The following CTSC variants were observed in gnomAD, a reference collection of about 807,000 sequenced individuals.
CTSC encodes cathepsin C, also known as dipeptidyl peptidase 1.
A neutral mutation model predicts 40.9 loss-of-function variants in CTSC; 37 were observed. That is an observed-to-expected ratio of 0.91 (90% confidence interval 0.70 to 1.19). CTSC has a LOEUF of 1.19. Among genes scored for constraint, CTSC ranks in the 50% most tolerant of loss-of-function variants. CTSC has a pLI of 0.00. For synonymous variants in CTSC, 232 were observed against 207.4 expected (o/e 1.12, Z -1.02); for missense variants, 594 against 567.3 (o/e 1.05, Z -0.48).
In CTSC at chr11:88,294,137, C is replaced by G. The variant is rs1944271816; in HGVS notation, c.1261G>C (p.Asp421His). 1 of 1,613,928 alleles carries G rather than the reference C, an allele frequency of 6.2e-7. No individual in the cohort carries two copies. Among genetic ancestry groups the G allele is most frequent in the Non-Finnish European group, 8.5e-7 (1 of 1,179,994 alleles). ...GYGTDSASGM[D>H]YWIVKNSWGT... Reference sequence around the variant, plus strand: ...CAGCTGTTTTTAACAATCCAGTAATCCATCCCAGAGGCTGAGTCAGTGCCA... The same window carrying G: ...CAGCTGTTTTTAACAATCCAGTAATGCATCCCAGAGGCTGAGTCAGTGCCA... Residue 421 changes from aspartate (D) to histidine (H), a missense_variant, in exon 7 of 7, where the codon GAT becomes CAT. Coordinates refer to ENST00000227266, the MANE Select transcript of CTSC (RefSeq NM_001814.6).
intron 1 of CTSC, among the ~76,000 whole-genome samples, chr11:88,335,733 A>G (rs1382572490): frequency 1.3e-5 from 2 of 152,238 alleles, no homozygotes; most frequent in Non-Finnish European, 2.9e-5. Context: ...GAAACGGAGA[A>G]AAGGCAAAAT....
intron 5 of CTSC, chr11:88,298,835 T>C (rs1458712146): frequency 6.6e-6 from 1 of 152,200 alleles, no homozygotes; most frequent in African/African-American, 2.4e-5. Context: ...AAAACCAATG[T>C]CAAATAATTT....
Position 88,296,108 on chromosome 11 carries a change from A to G in CTSC, c.889+25T>C, listed in dbSNP as rs756883570. The G allele has an allele frequency of 1.0e-4, 165 of 1,612,694 alleles. 1 individual carries two copies. The highest frequency in any genetic ancestry group is 1.3e-4 in the Non-Finnish European group (156 of 1,179,068). On this transcript the variant is annotated intron_variant, in intron 6 of 6. Transcript: ENST00000227266. ...CTGCACACAGGTAAATAGCTCATAAATGGTGTCTGAAATGCAACACTTACC... is the reference window on the plus strand; with the variant it reads ...CTGCACACAGGTAAATAGCTCATAAGTGGTGTCTGAAATGCAACACTTACC...
intron 2 of CTSC, among the ~76,000 whole-genome samples, chr11:88,313,308 T>C (rs1434962922): frequency 6.6e-6 from 1 of 152,154 alleles, no homozygotes; most frequent in African/African-American, 2.4e-5. Flanking sequence ...AGACAAGTGA[T>C]CCACCCACCT....
intron 6 of CTSC, 50 bp downstream of exon 6, chr11:88,296,083 C>T (rs1000850686): frequency 5.0e-6 from 8 of 1,605,782 alleles, no homozygotes; most frequent in Non-Finnish European, 3.4e-6. Context: ...CAACAGCCAG[C>T]TGCACACAGG....
chr11:88,337,596 G>C lies in CTSC; in HGVS notation c.77C>G (p.Thr26Arg), dbSNP rs1938539081. The C allele has an allele frequency of 1.3e-6, 2 of 1,579,246 alleles. No individual in the cohort carries two copies. The highest frequency in any genetic ancestry group is 8.6e-7 in the Non-Finnish European group (1 of 1,161,910). Residue 26 changes from threonine to arginine, a missense_variant, in exon 1 of 7, where the codon ACA becomes AGA. Physicochemically the swap from Thr to Arg is moderately conservative, Grantham distance 71. Coordinates refer to ENST00000227266, the MANE Select transcript of CTSC (RefSeq NM_001814.6). ...LSGDGAVRCD[T>R]PANCTYLDLL... Reference sequence around the variant, plus strand: ...GTCAAGATAGGTGCAGTTGGCAGGTGTGTCGCAGCGCACGGCGCCGTCGCC... The same window carrying C: ...GTCAAGATAGGTGCAGTTGGCAGGTCTGTCGCAGCGCACGGCGCCGTCGCC...
chr11:88,312,024 T>C (rs564763268), intron 3 of CTSC, among the ~76,000 whole-genome samples: 42 of 152,236 alleles, frequency 2.8e-4, no homozygotes, highest in Non-Finnish European at 4.1e-4. Context: ...TGTTTAAAAG[T>C]TGCCCAATTA....
At chr11:88,334,192 C>T (rs1269024959) in intron 2 of CTSC, among the ~76,000 whole-genome samples, 1 of 152,158 alleles carries the variant, frequency 6.6e-6, no homozygotes. Flanking sequence ...TAGTTTCAGG[C>T]TTATGTATCC....
At chr11:88,295,842 C>T (rs565747037) in intron 6 of CTSC, among the ~76,000 whole-genome samples, 1 of 152,128 alleles carries the variant, frequency 6.6e-6, no homozygotes, top group Non-Finnish European at 1.5e-5. Context: ...GTTCCCCGCC[C>T]ATAAATAGGG....
intron 4 of CTSC, 70 bp downstream of exon 4, chr11:88,309,093 G>T: frequency 7.2e-7 from 1 of 1,385,090 alleles, no homozygotes; most frequent in Non-Finnish European, 1.0e-6. Flanking sequence ...ACACTGGTAG[G>T]ACTGCTTAGG....
chr11:88,301,514 T>C (rs1001952312), intron 4 of CTSC, among the ~76,000 whole-genome samples: 1 of 152,166 alleles, frequency 6.6e-6, no homozygotes, highest in African/African-American at 2.4e-5. Context: ...ATTCTTTCCT[T>C]GCCTCATTTG....
intron 2 of CTSC, among the ~76,000 whole-genome samples, chr11:88,314,765 T>G (rs1469604956): frequency 2.0e-5 from 3 of 152,112 alleles, no homozygotes; most frequent in Non-Finnish European, 4.4e-5. Flanking sequence ...TGACCTGAGG[T>G]GATCTGCTTC....
In CTSC at chr11:88,334,924, C is replaced by T; in HGVS notation, c.318+13G>A. 1.9e-6 allele frequency: 3 copies of T among 1,597,272 alleles called. No individual in the cohort carries two copies. The South Asian group carries it at 3.3e-5, about 18-fold the overall frequency. ...TCATTGAAAATGTAAATCCAACTTCCAACAAAACTAACCTTAAAAAAGGCA... is the reference window on the plus strand; with the variant it reads ...TCATTGAAAATGTAAATCCAACTTCTAACAAAACTAACCTTAAAAAAGGCA... On this transcript the variant is annotated intron_variant, in intron 2 of 6. Transcript: ENST00000227266.
chr11:88,301,618 A>T (rs1396478721), intron 4 of CTSC, among the ~76,000 whole-genome samples: 1 of 152,172 alleles, frequency 6.6e-6, no homozygotes, highest in East Asian at 1.9e-4. Context: ...TCCGTAAACA[A>T]CAGATAAAAC....
rs1312358818 is a variant in CTSC at position 88,327,856 on chromosome 11, T to C, written c.318+7081A>G. 6.0e-6 allele frequency: 3 copies of C among 501,356 alleles called. No homozygotes were observed. In the Admixed American group the frequency reaches 9.8e-5, roughly 16 times the overall value. 31.1% of individuals were successfully genotyped at this position (501,356 alleles called of 1,614,324 possible). On this transcript the variant is annotated intron_variant, in intron 2 of 6. Coordinates refer to ENST00000227266, the MANE Select transcript of CTSC (RefSeq NM_001814.6). ...CCTTTTCGGTTCACGTCTACTTAGG[T>C]TACAAGTAGCATTCTTGGGAGAGCT... is the stretch of plus-strand genomic sequence containing the variant.
chr11:88,330,113 G>C (rs979018161), intron 2 of CTSC, among the ~76,000 whole-genome samples: 16 of 152,166 alleles, frequency 1.1e-4, no homozygotes, highest in African/African-American at 3.6e-4. Flanking sequence ...TTAGAAACTG[G>C]CCTGTAGATA....
At chr11:88,308,386 A>G (rs1016945951) in intron 4 of CTSC, among the ~76,000 whole-genome samples, 1 of 151,692 alleles carries the variant, frequency 6.6e-6, no homozygotes, top group South Asian at 2.1e-4. Context: ...TCCATCAATT[A>G]CTCCAGCAAA....
rs1005708076 is a variant in CTSC at position 88,293,836 on chromosome 11, G to A, written c.*170C>T. The A allele has an allele frequency of 5.8e-5, 45 of 779,384 alleles. No individual in the cohort carries two copies. The African/African-American group carries it at 6.6e-4, about 11-fold the overall frequency. 48.3% of individuals were successfully genotyped at this position (779,384 alleles called of 1,614,324 possible). On this transcript the variant is annotated 3_prime_UTR_variant, in exon 7 of 7. Transcript: ENST00000227266. ...ACTTAGAAAAAAATGGCCAGTGGCCGATTGAAAGGTATATTAAAATTAAGG... is the reference window on the plus strand; with the variant it reads ...ACTTAGAAAAAAATGGCCAGTGGCCAATTGAAAGGTATATTAAAATTAAGG...
At chr11:88,314,961 C>T (rs1937843349) in intron 2 of CTSC, among the ~76,000 whole-genome samples, 1 of 152,212 alleles carries the variant, frequency 6.6e-6, no homozygotes, top group East Asian at 1.9e-4. Flanking sequence ...AAACAAAGAC[C>T]CAGGACATTG....
Sources: gnomAD v4.1 joint callset for allele counts (sites outside exome capture counted in the v4.1 genomes callset) on GRCh38, gnomAD v4.1.1 for gene constraint, MANE v1.5 for transcripts, NCBI Gene and HGNC (gene_info 2026-07-23, HGNC 2026-07-21) for gene names.